The following SGCD variants were observed in gnomAD, a reference collection of about 807,000 sequenced individuals.
SGCD encodes the protein sarcoglycan delta, also known as delta-sarcoglycan.
SGCD carries 18 observed loss-of-function variants against 36.6 expected under a neutral mutation model. The ratio of observed to expected loss-of-function variants is 0.49; its 90% CI spans 0.34 to 0.73. The LOEUF (loss-of-function observed/expected upper bound fraction) is 0.73. Among genes scored for constraint, SGCD ranks in the 30% least tolerant of loss-of-function variants. The pLI is 0.01. For missense variants in SGCD, 387 were observed against 346.7 expected, an observed-to-expected ratio of 1.12 and a Z score of -0.92; for synonymous variants, 133 against 130.6, an observed-to-expected ratio of 1.02 and a Z score of -0.12.
At position 156,450,424 on chromosome 5, in the gene SGCD, A is replaced by C. The variant is rs145166328; in HGVS notation, c.193-58177A>C. ...TGCCAAAGGCAGGAATTTGGTTCAGAAAGAGAGTTCTTAAAGCTGCATTTA... is the reference window on the plus strand; with the variant it reads ...TGCCAAAGGCAGGAATTTGGTTCAGCAAGAGAGTTCTTAAAGCTGCATTTA... On this transcript the variant is annotated intron_variant, in intron 3 of 8. Coordinates refer to ENST00000337851, the MANE Select transcript of SGCD (RefSeq NM_000337.6). 1.9e-3 allele frequency among the ~76,000 whole-genome samples: 289 copies of C among 152,196 alleles called. 2 individuals are homozygous for C. The highest frequency in any genetic ancestry group is 6.4e-3 in the African/African-American group (266 of 41,514).
At chr5:156,166,798 T>C (rs761902890) in intron 3 of SGCD, among the ~76,000 whole-genome samples, 1 of 152,168 alleles carries the variant, frequency 6.6e-6, no homozygotes, top group Non-Finnish European at 1.5e-5. Flanking sequence ...ACTCAAACAC[T>C]TTCCACTGAA....
intron 6 of SGCD, among the ~76,000 whole-genome samples, chr5:156,631,271 A>G (rs551533522): frequency 1.5e-4 from 23 of 152,260 alleles, no homozygotes; most frequent in Admixed American, 1.2e-3. Context: ...AAGCATGTGG[A>G]TTTACAGCCT....
chr5:156,475,793 A>G (rs1755153497), intron 3 of SGCD, among the ~76,000 whole-genome samples: 1 of 152,240 alleles, frequency 6.6e-6, no homozygotes, highest in Non-Finnish European at 1.5e-5. Flanking sequence ...CTATTAGAAT[A>G]CTAGAGGATC....
the SGCD span, among the ~76,000 whole-genome samples, chr5:155,862,713 G>T: frequency 6.6e-6 from 1 of 152,154 alleles, no homozygotes; most frequent in Non-Finnish European, 1.5e-5. Flanking sequence ...TTAACGTCCA[G>T]CAGTTCTATG....
At chr5:155,935,372 T>C (rs1757174404) in intron 1 of SGCD, among the ~76,000 whole-genome samples, 2 of 152,208 alleles carry the variant, frequency 1.3e-5, no homozygotes, top group Admixed American at 1.3e-4. Context: ...GGCTGGGCTA[T>C]TGTGGTTGAC....
intron 4 of SGCD, among the ~76,000 whole-genome samples, chr5:156,520,346 C>T (rs912444149): frequency 6.6e-6 from 1 of 152,146 alleles, no homozygotes; most frequent in Non-Finnish European, 1.5e-5. Context: ...TTACAAACTA[C>T]TGCTTGAAGA....
At chr5:156,475,147 G>A (rs1474722872) in intron 3 of SGCD, among the ~76,000 whole-genome samples, 1 of 152,144 alleles carries the variant, frequency 6.6e-6, no homozygotes, top group Non-Finnish European at 1.5e-5. Context: ...CCAACAGTAT[G>A]TTGGCACAAA....
intron 4 of SGCD, among the ~76,000 whole-genome samples, chr5:156,582,638 T>C (rs183128640): frequency 1.3e-5 from 2 of 152,342 alleles, no homozygotes; most frequent in East Asian, 3.9e-4. Flanking sequence ...GTATTTTTTT[T>C]CTCCTATGCA....
chr5:155,728,268 G>GGCGGCCGCTGCTGCCGCT, the SGCD span, among the ~76,000 whole-genome samples: 1,469 of 152,106 alleles, frequency 9.7e-3, 34 homozygotes, highest in African/African-American at 0.034. Context: ...CGCGGGAGGT[G>GGCGGCCGCTGCTGCCGCT]GCGGCCGCTG....
intron 1 of SGCD, among the ~76,000 whole-genome samples, chr5:155,949,503 G>A (rs141645824): frequency 7.2e-5 from 11 of 152,258 alleles, no homozygotes; most frequent in Non-Finnish European, 1.3e-4. Context: ...TAATTTGTTC[G>A]ATGTTATGTA....
intron 3 of SGCD, among the ~76,000 whole-genome samples, chr5:156,131,854 G>A (rs1347292877): frequency 1.3e-5 from 2 of 152,172 alleles, no homozygotes; most frequent in East Asian, 1.9e-4. Context: ...TGGGAACATC[G>A]AAGAGCTGAA....
intron 7 of SGCD, among the ~76,000 whole-genome samples, chr5:156,755,001 C>T (rs1757284197): frequency 6.6e-6 from 1 of 152,160 alleles, no homozygotes; most frequent in African/African-American, 2.4e-5. Flanking sequence ...AAAGGAAAAA[C>T]TAGAGACAAA....
chr5:156,654,919 T>C (rs1442473553), intron 7 of SGCD, among the ~76,000 whole-genome samples: 1 of 152,186 alleles, frequency 6.6e-6, no homozygotes, highest in African/African-American at 2.4e-5. Flanking sequence ...TACATGAGAT[T>C]TATTTCAAGG....
intron 3 of SGCD, among the ~76,000 whole-genome samples, chr5:156,216,804 C>T (rs563035510): frequency 3.9e-5 from 6 of 152,286 alleles, no homozygotes; most frequent in South Asian, 2.1e-4. Context: ...TGTGGCCGGG[C>T]GTGGTGGCTC....
At chr5:156,215,580 T>A (rs1186440153) in intron 3 of SGCD, among the ~76,000 whole-genome samples, 1 of 152,086 alleles carries the variant, frequency 6.6e-6, no homozygotes. Flanking sequence ...TATGAAAAAA[T>A]GCTCAACCTC....
At chr5:155,828,071 T>C in the SGCD span, among the ~76,000 whole-genome samples, 1 of 152,126 alleles carries the variant, frequency 6.6e-6, no homozygotes, top group Non-Finnish European at 1.5e-5. Flanking sequence ...TAGCATCTTC[T>C]GCCACATCTA....
At chr5:156,099,275 T>C (rs1275223692) in intron 1 of SGCD, among the ~76,000 whole-genome samples, 1 of 152,238 alleles carries the variant, frequency 6.6e-6, no homozygotes, top group Non-Finnish European at 1.5e-5. Context: ...TATGCCATCT[T>C]ATCCTGACCA....
chr5:156,071,664 G>C (rs1336354135), intron 1 of SGCD, among the ~76,000 whole-genome samples: 2 of 152,186 alleles, frequency 1.3e-5, no homozygotes, highest in African/African-American at 4.8e-5. Flanking sequence ...GTGCAGAGCT[G>C]TGTTCAATTC....
At chr5:155,770,104 G>A in the SGCD span, among the ~76,000 whole-genome samples, 8 of 151,948 alleles carry the variant, frequency 5.3e-5, no homozygotes, top group African/African-American at 1.9e-4. Flanking sequence ...CTGGGTACCT[G>A]GTATCGTGCT....
Sources: allele counts gnomAD v4.1 joint callset (sites outside exome capture counted in the v4.1 genomes callset), GRCh38; gene constraint gnomAD v4.1.1; transcripts MANE v1.5; gene names NCBI Gene and HGNC (gene_info 2026-07-23, HGNC 2026-07-21).